The following NDUFAF6 variants were observed in gnomAD, a reference collection of about 807,000 sequenced individuals.
NDUFAF6 encodes NADH dehydrogenase (ubiquinone) complex I, assembly factor 6.
In NDUFAF6, 45 loss-of-function variants were observed where a neutral mutation model predicts 40.8. The ratio of observed to expected loss-of-function variants is 1.10; its 90% CI spans 0.87 to 1.42. NDUFAF6 has a LOEUF of 1.42. Ranked by LOEUF, NDUFAF6 falls within the 40% of genes most tolerant of loss-of-function variation. The pLI, the probability that NDUFAF6 is intolerant of heterozygous loss-of-function variation, is 0.00. For missense variants in NDUFAF6, 435 were observed against 418.5 expected (o/e 1.04, Z -0.34); for synonymous variants, 185 against 155.9 (o/e 1.19, Z -1.39).
chr8:95,027,872 A>G (rs886261015), intron 1 of NDUFAF6, among the ~76,000 whole-genome samples: 1 of 152,226 alleles, frequency 6.6e-6, no homozygotes, highest in South Asian at 2.1e-4. Context: ...ATAGCAGGCC[A>G]TAACTTCGGG....
intron 1 of NDUFAF6, among the ~76,000 whole-genome samples, chr8:94,965,631 C>T (rs940716212): frequency 2.6e-5 from 4 of 152,158 alleles, no homozygotes; most frequent in African/African-American, 7.2e-5. Flanking sequence ...AGCGAGGTCA[C>T]GGTTCTGGGA....
At chr8:94,958,736 C>G (rs527463833) in intron 1 of NDUFAF6, among the ~76,000 whole-genome samples, 1 of 152,066 alleles carries the variant, frequency 6.6e-6, no homozygotes, top group East Asian at 1.9e-4. Context: ...GCCTCAAACT[C>G]CTGACCTCAG....
intron 2 of NDUFAF6, among the ~76,000 whole-genome samples, chr8:94,993,679 G>C (rs1250441354): frequency 6.6e-6 from 1 of 152,192 alleles, no homozygotes; most frequent in African/African-American, 2.4e-5. Flanking sequence ...GGACCATCCA[G>C]CTGTTCTTGC....
chr8:94,972,049 C>T (rs1284876457), intron 1 of NDUFAF6, among the ~76,000 whole-genome samples: 1 of 152,226 alleles, frequency 6.6e-6, no homozygotes, highest in Non-Finnish European at 1.5e-5. Context: ...TTACCTCCAT[C>T]TTGCTTCCTT....
chr8:95,020,243 C>T (rs7832411), upstream of NDUFAF6, among the ~76,000 whole-genome samples: 1,873 of 152,274 alleles, frequency 0.012, 47 homozygotes, highest in African/African-American at 0.042. Flanking sequence ...ACCCAAAAAG[C>T]ATGATGCATT....
At chr8:95,000,800 G>A (rs898848975) in intron 2 of NDUFAF6, among the ~76,000 whole-genome samples, 3 of 151,926 alleles carry the variant, frequency 2.0e-5, no homozygotes, top group Non-Finnish European at 4.4e-5. Context: ...GCCAGGGGTG[G>A]AGACACACAT....
chr8:95,057,051 A>C (rs1051464301), intron 8 of NDUFAF6, among the ~76,000 whole-genome samples: 2 of 152,188 alleles, frequency 1.3e-5, no homozygotes, highest in Non-Finnish European at 2.9e-5. Context: ...TAATCCCTGC[A>C]TTAATCCCCC....
intron 8 of NDUFAF6, among the ~76,000 whole-genome samples, chr8:95,054,788 A>T (rs1831918385): frequency 1.3e-5 from 2 of 152,158 alleles, no homozygotes. Flanking sequence ...CAACATGGCA[A>T]TTCCTGAGGT....
intron 2 of NDUFAF6, among the ~76,000 whole-genome samples, chr8:95,008,515 G>GC (rs1827096627): frequency 6.6e-6 from 1 of 152,020 alleles, no homozygotes; most frequent in African/African-American, 2.4e-5. Context: ...CATTTAAACT[G>GC]TTTTTTTGAG....
intron 1 of NDUFAF6, among the ~76,000 whole-genome samples, chr8:94,970,083 C>T (rs139447053): frequency 2.6e-5 from 4 of 151,914 alleles, no homozygotes; most frequent in African/African-American, 4.8e-5. Flanking sequence ...GGTGAAACCC[C>T]GTCTCTACTA....
rs1337049851 is a variant in NDUFAF6, at chr8:95,085,707, A to G, written n.213+9955A>G. On this transcript the variant is annotated intron_variant and non_coding_transcript_variant, in intron 2 of 5. Transcript: ENST00000523184. ...AATTTTAAGAGATATTTAAAAAACT[A>G]TGCCACCTTAAAAGAATGCTTTGCT... The G allele has an allele frequency of 2.0e-5, 3 of 152,226 alleles. No individual in the cohort carries two copies. In the East Asian group the frequency reaches 5.8e-4, roughly 29 times the overall value. 9.4% of individuals were successfully genotyped at this position (152,226 alleles called of 1,614,324 possible).
intron 9 of NDUFAF6, among the ~76,000 whole-genome samples, chr8:95,064,890 T>C (rs909260937): frequency 4.6e-5 from 7 of 152,194 alleles, no homozygotes; most frequent in Non-Finnish European, 7.3e-5. Context: ...GCTTAGATCA[T>C]ACCCTTTTTG....
chr8:94,932,076 C>T, intron 1 of NDUFAF6: 1 of 1,609,930 alleles, frequency 6.2e-7, no homozygotes, highest in Non-Finnish European at 8.5e-7. Context: ...TTACTCTGTG[C>T]CCGTGAGTCT....
chr8:94,940,241 C>T (rs754787702), intron 1 of NDUFAF6: 31 of 1,583,652 alleles, frequency 2.0e-5, no homozygotes, highest in African/African-American at 2.7e-5. Flanking sequence ...GTCCACATTG[C>T]AGTCCACATG....
At chr8:94,990,607 T>C (rs1264373956) in intron 2 of NDUFAF6, among the ~76,000 whole-genome samples, 1 of 152,146 alleles carries the variant, frequency 6.6e-6, no homozygotes, top group African/African-American at 2.4e-5. Context: ...GTAACAGCCA[T>C]GGAAACGTGG....
intron 4 of NDUFAF6, among the ~76,000 whole-genome samples, chr8:95,114,033 C>T (rs956785941): frequency 2.7e-5 from 4 of 149,742 alleles, no homozygotes; most frequent in African/African-American, 9.9e-5. Context: ...GGAGGGATAG[C>T]ATTGGGAGAT....
At position 95,018,618 on chromosome 8, in the gene NDUFAF6, A is replaced by G. The variant is rs189426894; in HGVS notation, c.-83-13377A>G. ...GTGGGGGTGGGAAGAGGGGGTGTGC[A>G]ACCCAGACATTGGGATAAAAACACA... On this transcript the variant is annotated intron_variant, in intron 2 of 9. Coordinates refer to the NDUFAF6 transcript ENST00000396111. Among the ~76,000 whole-genome samples the G allele has an allele frequency of 1.2e-4, 18 of 152,286 alleles. No homozygotes were observed. The East Asian group carries it at 3.5e-3, about 29-fold the overall frequency.
chr8:95,009,461 A>G (rs763099530), intron 2 of NDUFAF6, among the ~76,000 whole-genome samples: 2 of 152,170 alleles, frequency 1.3e-5, no homozygotes, highest in Non-Finnish European at 2.9e-5. Context: ...TGGCTGTTCC[A>G]TGGTGTTGAT....
In NDUFAF6 at chr8:94,988,765, T is replaced by C. The variant is rs539409416; in HGVS notation, c.-84+7792T>C. 5.9e-5 allele frequency: 9 copies of C among 152,376 alleles called. 1 individual carries two copies. The highest frequency in any genetic ancestry group is 5.8e-4 in the East Asian group (3 of 5,192). 9.4% of individuals were successfully genotyped at this position (152,376 alleles called of 1,614,324 possible). A position where few individuals can be genotyped will look rare whatever the true frequency, so the allele number is the denominator to read the frequency against. On this transcript the variant is annotated intron_variant, in intron 2 of 9. Transcript: ENST00000396111. ...CCAGGCACTTATTTACCTTAGTTTCTTCACTTATAAAATTAAACACACCAT... is the reference window on the plus strand; with the variant it reads ...CCAGGCACTTATTTACCTTAGTTTCCTCACTTATAAAATTAAACACACCAT...
Sources: allele counts gnomAD v4.1 joint callset (sites outside exome capture counted in the v4.1 genomes callset), GRCh38; gene constraint gnomAD v4.1.1; transcripts MANE v1.5; gene names NCBI Gene and HGNC (gene_info 2026-07-23, HGNC 2026-07-21).